The following TTL variants were observed in gnomAD, a reference collection of about 807,000 sequenced individuals.
The protein encoded by TTL is tubulin--tyrosine ligase.
Under a neutral mutation model 41.1 loss-of-function variants are expected in TTL, and 10 were observed. The ratio of observed to expected loss-of-function variants is 0.24; its 90% CI spans 0.15 to 0.41. TTL has a LOEUF of 0.41. Among genes scored for constraint, TTL ranks in the 10% least tolerant of loss-of-function variants. The probability of loss-of-function intolerance (pLI) is 1.00; values close to 1 mark genes in which losing one functional copy is unlikely to be tolerated. For missense variants in TTL, 367 were observed against 460.4 expected (o/e 0.80, Z 1.86); for synonymous variants, 175 against 175.5 (o/e 1.00, Z 0.02).
At chr2:112,500,938 G>A (rs1485553180) in intron 3 of TTL, among the ~76,000 whole-genome samples, 2 of 148,572 alleles carry the variant, frequency 1.3e-5, no homozygotes, top group African/African-American at 4.9e-5. Flanking sequence ...TAGGCACTAC[G>A]AATTTCTGTA....
At chr2:112,494,478 C>T (rs1681474008) in intron 3 of TTL, 103 bp downstream of exon 3, 1 of 890,628 alleles carries the variant, frequency 1.1e-6, no homozygotes, top group Non-Finnish European at 1.7e-6. Flanking sequence ...AAGGTTGAGA[C>T]CGTGTCTAGT....
At chr2:112,527,635 C>T (rs1019895739) in intron 6 of TTL, among the ~76,000 whole-genome samples, 1 of 151,974 alleles carries the variant, frequency 6.6e-6, no homozygotes, top group Non-Finnish European at 1.5e-5. Context: ...GGATTGCAAC[C>T]CCTGCTTTTT....
intron 6 of TTL, among the ~76,000 whole-genome samples, chr2:112,525,747 C>T (rs1176183171): frequency 4.6e-5 from 7 of 152,172 alleles, no homozygotes; most frequent in Non-Finnish European, 1.0e-4. Flanking sequence ...GACAATTTGA[C>T]TTCCTTTTTT....
At position 112,501,193 on chromosome 2, in the gene TTL, T is replaced by C; in HGVS notation, c.470-13T>C. The C allele has an allele frequency of 6.2e-7, 1 of 1,600,650 alleles. No homozygotes were observed. Among genetic ancestry groups the C allele is most frequent in the Non-Finnish European group, 8.5e-7 (1 of 1,176,114 alleles). ...GAATTGGATTGGTTTGTCTTTTGCTTTTTCCCTGTTAGGTGAAGGCATTCT... is the reference window on the plus strand; with the variant it reads ...GAATTGGATTGGTTTGTCTTTTGCTCTTTCCCTGTTAGGTGAAGGCATTCT... On this transcript the variant is annotated splice_polypyrimidine_tract_variant and intron_variant, in intron 3 of 6. Coordinates refer to ENST00000233336, the MANE Select transcript of TTL (RefSeq NM_153712.5).
chr2:112,522,271 A>G (rs1322633423), intron 6 of TTL: 1 of 152,344 alleles, frequency 6.6e-6, no homozygotes, highest in Non-Finnish European at 1.5e-5. Context: ...CTCTGTTCCC[A>G]TCCATGTTCC....
At position 112,541,462 on chromosome 2, in the gene TTL, A is replaced by G. The variant is rs1682740408; in HGVS notation, c.*12667A>G. ...CCGGAAGTTCAAGACCAGCCTGTGC[A>G]ACAGACTCCCGGCTCGAATTTTTTA... On this transcript the variant is annotated 3_prime_UTR_variant, in exon 7 of 7. Transcript: ENST00000233336. 1 of 152,328 alleles carries G rather than the reference A, an allele frequency of 6.6e-6. No individual in the cohort carries two copies. The highest frequency in any genetic ancestry group is 1.5e-5 in the Non-Finnish European group (1 of 68,134). 9.4% of individuals were successfully genotyped at this position (152,328 alleles called of 1,614,324 possible). A position where few individuals can be genotyped will look rare whatever the true frequency, so the allele number is the denominator to read the frequency against.
chr2:112,512,399 A>G (rs1325888707), intron 5 of TTL, among the ~76,000 whole-genome samples: 1 of 151,868 alleles, frequency 6.6e-6, no homozygotes, highest in South Asian at 2.1e-4. Context: ...AATAGCTGGG[A>G]CTACAGGCGC....
chr2:112,536,040 A>G lies in TTL; in HGVS notation c.*7245A>G, dbSNP rs775459359. On this transcript the variant is annotated 3_prime_UTR_variant, in exon 7 of 7. Transcript: ENST00000233336. ...ACTTACCTGGCTAATTTCACTTCAC[A>G]TAACGATCTTCAGTTCCATCCATGT... The G allele has an allele frequency of 6.6e-6, 1 of 152,202 alleles. No homozygotes were observed. Among genetic ancestry groups the G allele is most frequent in the Non-Finnish European group, 1.5e-5 (1 of 68,040 alleles). 9.4% of individuals were successfully genotyped at this position (152,202 alleles called of 1,614,324 possible). A position where few individuals can be genotyped will look rare whatever the true frequency, so the allele number is the denominator to read the frequency against.
chr2:112,487,125 G>C (rs1681262480), intron 2 of TTL, among the ~76,000 whole-genome samples: 1 of 152,166 alleles, frequency 6.6e-6, no homozygotes. Flanking sequence ...GTGTAGCCAG[G>C]TACTGGAAGA....
rs560529627 is a variant in TTL at position 112,529,074 on chromosome 2, C to G, written c.*279C>G. 8.2e-6 allele frequency: 4 copies of G among 484,922 alleles called. No homozygotes were observed. The highest frequency in any genetic ancestry group is 1.9e-5 in the African/African-American group (1 of 52,000). 30.0% of individuals were successfully genotyped at this position (484,922 alleles called of 1,614,324 possible). A position where few individuals can be genotyped will look rare whatever the true frequency, so the allele number is the denominator to read the frequency against. On this transcript the variant is annotated 3_prime_UTR_variant, in exon 7 of 7. Transcript: ENST00000233336. ...TGAGCAGAGCTCCTTCCCCTCTCCC[C>G]GGGAACGGCAGGGCACTGGGACCTC... is the stretch of plus-strand genomic sequence containing the variant.
At chr2:112,483,863 G>A (rs1681162259) in intron 1 of TTL, 1 of 151,992 alleles carries the variant, frequency 6.6e-6, no homozygotes, top group Admixed American at 6.5e-5. Context: ...TATGGAGACT[G>A]TGCCTGGAGG....
chr2:112,493,658 A>G (rs1238456705), intron 2 of TTL, among the ~76,000 whole-genome samples: 1 of 152,206 alleles, frequency 6.6e-6, no homozygotes, highest in East Asian at 1.9e-4. Flanking sequence ...TTCTGTCACC[A>G]AAGCCAGCCT....
At chr2:112,512,022 T>C in intron 5 of TTL, among the ~76,000 whole-genome samples, 1 of 152,108 alleles carries the variant, frequency 6.6e-6, no homozygotes, top group Non-Finnish European at 1.5e-5. Context: ...CTAGGTATTA[T>C]ATTCTATATT....
intron 3 of TTL, among the ~76,000 whole-genome samples, chr2:112,496,236 G>T (rs907691898): frequency 2.0e-5 from 3 of 152,232 alleles, no homozygotes; most frequent in Non-Finnish European, 4.4e-5. Context: ...ACACCAAGCA[G>T]CAGGGGGAAG....
intron 2 of TTL, among the ~76,000 whole-genome samples, chr2:112,486,573 A>C (rs1681244572): frequency 6.6e-6 from 1 of 152,238 alleles, no homozygotes; most frequent in South Asian, 2.1e-4. Context: ...TGGGCAGGGT[A>C]TAAGAGCATT....
At chr2:112,526,421 C>CT (rs1682373977) in intron 6 of TTL, among the ~76,000 whole-genome samples, 2 of 152,070 alleles carry the variant, frequency 1.3e-5, no homozygotes, top group South Asian at 2.1e-4. Flanking sequence ...TGGTCCTGGA[C>CT]TTTTTTTGGT....
Position 112,520,370 on chromosome 2 carries a change from G to A in TTL, c.964G>A (p.Asp322Asn), listed in dbSNP as rs1682189871. ...GCTCTTCGGCTTTGACTTCATGGTC[G>A]ATGAGGAGCTGAAGGTGTGGCTCAT... is the stretch of plus-strand genomic sequence containing the variant. The part of the protein sequence containing the change: ...FQLFGFDFMV[D>N]EELKVWLIEV... Residue 322 changes from aspartate (D) to asparagine (N), a missense_variant, in exon 6 of 7, where the codon GAT (aspartate) becomes AAT (asparagine). Asp to Asn is a conservative substitution (Grantham distance 23). Transcript: ENST00000233336. The A allele has an allele frequency of 2.5e-6, 4 of 1,614,030 alleles. No homozygotes were observed. Among genetic ancestry groups the A allele is most frequent in the Non-Finnish European group, 3.4e-6 (4 of 1,180,044 alleles).
intron 1 of TTL, among the ~76,000 whole-genome samples, chr2:112,484,998 GGAGTGCA>G (rs1559008855): frequency 6.6e-6 from 1 of 152,174 alleles, no homozygotes; most frequent in Non-Finnish European, 1.5e-5. Flanking sequence ...CGCCCAGGCT[GGAGTGCA>G]GTGGTGGGAT....
Position 112,539,339 on chromosome 2 carries a change from A to G in TTL, c.*10544A>G, listed in dbSNP as rs1682669031. 6.6e-6 allele frequency: 1 copy of G among 152,076 alleles called. No homozygotes were observed. The highest frequency in any genetic ancestry group is 1.5e-5 in the Non-Finnish European group (1 of 68,038). 9.4% of individuals were successfully genotyped at this position (152,076 alleles called of 1,614,324 possible). On this transcript the variant is annotated 3_prime_UTR_variant, in exon 7 of 7. Coordinates refer to ENST00000233336, the MANE Select transcript of TTL (RefSeq NM_153712.5). ...CTAAAATAAACGTTGAGAAGGGGAA[A>G]AGAAAGAATGCAAGGTTTTTTTAAC...
Sources: gnomAD v4.1 joint callset for allele counts (sites outside exome capture counted in the v4.1 genomes callset) on GRCh38, gnomAD v4.1.1 for gene constraint, MANE v1.5 for transcripts, NCBI Gene and HGNC (gene_info 2026-07-23, HGNC 2026-07-21) for gene names.